The following HSD17B2 variants were observed in gnomAD, a reference collection of about 807,000 sequenced individuals.
The protein encoded by HSD17B2 is hydroxysteroid 17-beta dehydrogenase 2, also known as 17-beta-hydroxysteroid dehydrogenase type 2.
A neutral mutation model predicts 26.9 loss-of-function variants in HSD17B2; 32 were observed. The observed-to-expected ratio is 1.19, with a 90% CI of 0.90 to 1.60. The LOEUF (loss-of-function observed/expected upper bound fraction) is 1.60, where lower values mean the gene tolerates loss of function less well. Ranked by LOEUF, HSD17B2 falls within the 40% of genes most tolerant of loss-of-function variation. The pLI, the probability that HSD17B2 is intolerant of heterozygous loss-of-function variation, is 0.00. For missense variants in HSD17B2, 613 were observed against 468.6 expected (o/e 1.31, Z -2.85); for synonymous variants, 246 against 186.7 (o/e 1.32, Z -2.59).
At chr16:82,096,150 C>T (rs993274899) in intron 4 of HSD17B2, 1 of 152,008 alleles carries the variant, frequency 6.6e-6, no homozygotes, top group Non-Finnish European at 1.5e-5. Flanking sequence ...ATTAAAATTA[C>T]ACTTCATATA....
chr16:82,039,953 CA>C (rs1291419962), intron 1 of HSD17B2, among the ~76,000 whole-genome samples: 1 of 151,624 alleles, frequency 6.6e-6, no homozygotes, highest in Admixed American at 6.6e-5. Context: ...GAAAGCTTGA[CA>C]AAAAAAGAGG....
intron 1 of HSD17B2, among the ~76,000 whole-genome samples, chr16:82,061,275 C>T (rs1055117739): frequency 2.0e-5 from 3 of 151,942 alleles, no homozygotes; most frequent in African/African-American, 7.2e-5. Flanking sequence ...AAAAAAGTTA[C>T]CATTTATTTA....
At chr16:82,073,250 A>G (rs1328638015) in intron 3 of HSD17B2, among the ~76,000 whole-genome samples, 1 of 151,044 alleles carries the variant, frequency 6.6e-6, no homozygotes, top group Admixed American at 6.6e-5. Context: ...TTTGAGATGG[A>G]GTCTCACTCT....
intron 1 of HSD17B2, among the ~76,000 whole-genome samples, chr16:82,038,485 G>A (rs1913680639): frequency 6.6e-6 from 1 of 152,188 alleles, no homozygotes; most frequent in Non-Finnish European, 1.5e-5. Context: ...AAGTAGCTGG[G>A]ATTACAGGCA....
chr16:82,058,866 G>A (rs1371204735), intron 1 of HSD17B2, among the ~76,000 whole-genome samples: 1 of 152,204 alleles, frequency 6.6e-6, no homozygotes, highest in Admixed American at 6.5e-5. Flanking sequence ...AATGGGTCCA[G>A]GGAGCGAGTA....
intron 4 of HSD17B2, chr16:82,097,104 C>T (rs1010243447): frequency 6.6e-6 from 1 of 151,352 alleles, no homozygotes; most frequent in Admixed American, 6.6e-5. Context: ...TAATAGCTCA[C>T]TGCATCCTCC....
intron 1 of HSD17B2, among the ~76,000 whole-genome samples, chr16:82,037,543 A>G (rs903798343): frequency 2.0e-5 from 3 of 152,352 alleles, no homozygotes; most frequent in East Asian, 3.9e-4. Flanking sequence ...CCTTTATCTG[A>G]TAATTCAAGT....
chr16:82,089,485 C>A (rs997493522), intron 3 of HSD17B2, among the ~76,000 whole-genome samples: 1 of 152,192 alleles, frequency 6.6e-6, no homozygotes, highest in African/African-American at 2.4e-5. Flanking sequence ...TTTGCTCCTT[C>A]ATAACATCAG....
At chr16:82,046,769 G>T (rs539090752) in intron 1 of HSD17B2, among the ~76,000 whole-genome samples, 3 of 152,210 alleles carry the variant, frequency 2.0e-5, no homozygotes, top group South Asian at 2.1e-4. Flanking sequence ...GAGTGATCAT[G>T]GTCCAGATAC....
At chr16:82,083,195 G>T (rs1597136939) in intron 3 of HSD17B2, among the ~76,000 whole-genome samples, 1 of 152,138 alleles carries the variant, frequency 6.6e-6, no homozygotes, top group East Asian at 1.9e-4. Context: ...GAGTGGGATG[G>T]GGAGAAACAT....
intron 1 of HSD17B2, among the ~76,000 whole-genome samples, chr16:82,038,972 T>C (rs1913694549): frequency 6.6e-6 from 1 of 152,036 alleles, no homozygotes. Context: ...CCCTTGGTTG[T>C]GGGCAGGAGG....
At position 82,098,329 on chromosome 16, in the gene HSD17B2, T is replaced by A. The variant is rs1360923763; in HGVS notation, c.1057T>A (p.Tyr353Asn). The A allele has an allele frequency of 6.2e-7, 1 of 1,614,230 alleles. No homozygotes were observed. Among genetic ancestry groups the A allele is most frequent in the East Asian group, 2.2e-5 (1 of 44,890 alleles). The part of the protein sequence containing the change: ...GAYLWICLAH[Y>N]LPIGIYDYFA... ...TTACTTGTGGATCTGCCTTGCTCAC[T>A]ATTTGCCTATTGGCATATATGATTA... Residue 353 changes from tyrosine to asparagine, a missense_variant, in exon 5 of 5, where the codon TAT (tyrosine) becomes AAT (asparagine). Tyr to Asn is a moderately radical substitution (Grantham distance 143). Coordinates refer to ENST00000199936, the MANE Select transcript of HSD17B2 (RefSeq NM_002153.3).
intron 3 of HSD17B2, among the ~76,000 whole-genome samples, chr16:82,077,682 G>C (rs1344856234): frequency 6.6e-6 from 1 of 151,708 alleles, no homozygotes; most frequent in Non-Finnish European, 1.5e-5. Flanking sequence ...AGCAGACTGT[G>C]ATCACACCAT....
intron 1 of HSD17B2, among the ~76,000 whole-genome samples, chr16:82,047,241 C>A (rs79904871): frequency 1.3e-5 from 2 of 152,110 alleles, no homozygotes; most frequent in Non-Finnish European, 2.9e-5. Flanking sequence ...CAGTCATGCC[C>A]GGGGTTTGTT....
chr16:82,056,695 T>C (rs540063467), intron 1 of HSD17B2, among the ~76,000 whole-genome samples: 4 of 152,348 alleles, frequency 2.6e-5, no homozygotes, highest in African/African-American at 7.2e-5. Context: ...AAAAATGCTA[T>C]TGCCTATTCA....
chr16:82,088,700 C>G (rs1567592670), intron 3 of HSD17B2, among the ~76,000 whole-genome samples: 2 of 152,180 alleles, frequency 1.3e-5, no homozygotes, highest in Non-Finnish European at 2.9e-5. Context: ...ATTTCAAACG[C>G]TAAGATTTCA....
At chr16:82,059,557 GA>G (rs2087336919) in intron 1 of HSD17B2, among the ~76,000 whole-genome samples, 2 of 152,192 alleles carry the variant, frequency 1.3e-5, no homozygotes, top group Admixed American at 1.3e-4. Context: ...ATTGAGGAGT[GA>G]GAACCTCTTT....
intron 1 of HSD17B2, among the ~76,000 whole-genome samples, chr16:82,050,893 A>G (rs909785990): frequency 2.0e-5 from 3 of 152,120 alleles, no homozygotes; most frequent in Admixed American, 2.0e-4. Flanking sequence ...TTTTCTGTAC[A>G]TTATAGGATG....
At chr16:82,039,213 GGGA>G (rs1756836861) in intron 1 of HSD17B2, among the ~76,000 whole-genome samples, 9 of 151,284 alleles carry the variant, frequency 5.9e-5, no homozygotes, top group Admixed American at 5.9e-4. Context: ...TTTGGATTTT[GGGA>G]CTCTGTTTTC....
Sources: allele counts gnomAD v4.1 joint callset (sites outside exome capture counted in the v4.1 genomes callset), GRCh38; gene constraint gnomAD v4.1.1; transcripts MANE v1.5; gene names NCBI Gene and HGNC (gene_info 2026-07-23, HGNC 2026-07-21).